TMCC1: variants seen among roughly 807,000 people sequenced by gnomAD.
TMCC1 encodes the protein transmembrane and coiled-coil domains protein 1.
TMCC1 carries 15 observed loss-of-function variants against 52.4 expected under a neutral mutation model. The ratio of observed to expected loss-of-function variants is 0.29; its 90% CI spans 0.19 to 0.44. TMCC1 has a LOEUF of 0.44. Ranked by LOEUF, TMCC1 falls within the 20% of genes least tolerant of loss-of-function variation. TMCC1 has a pLI of 1.00. For missense variants in TMCC1, 503 were observed against 806.0 expected, an observed-to-expected ratio of 0.62 and a Z score of 4.55; for synonymous variants, 279 against 301.9, an observed-to-expected ratio of 0.92 and a Z score of 0.79.
intron 4 of TMCC1, among the ~76,000 whole-genome samples, chr3:129,716,344 T>G (rs2049099190): frequency 7.0e-6 from 1 of 142,304 alleles, no homozygotes; most frequent in Admixed American, 7.1e-5. Flanking sequence ...TTTTTTTTTT[T>G]TTTTTTTTGA....
intron 1 of TMCC1, among the ~76,000 whole-genome samples, chr3:129,889,154 C>T (rs1247957934): frequency 1.3e-5 from 2 of 152,040 alleles, no homozygotes; most frequent in Non-Finnish European, 2.9e-5. Flanking sequence ...CATCTCTGGG[C>T]CCAGCTACTC....
At chr3:129,789,054 A>G (rs1165962220) in intron 4 of TMCC1, among the ~76,000 whole-genome samples, 1 of 152,224 alleles carries the variant, frequency 6.6e-6, no homozygotes, top group Admixed American at 6.5e-5. Flanking sequence ...AGAGTAACTT[A>G]GAGAAAATTA....
intron 4 of TMCC1, among the ~76,000 whole-genome samples, chr3:129,758,156 C>T (rs1470023544): frequency 6.6e-6 from 1 of 152,180 alleles, no homozygotes; most frequent in Non-Finnish European, 1.5e-5. Context: ...GATCCACAGT[C>T]CTGAAACTGC....
chr3:129,728,661 A>T (rs2107610248), intron 4 of TMCC1, among the ~76,000 whole-genome samples: 1 of 152,352 alleles, frequency 6.6e-6, no homozygotes, highest in Admixed American at 6.5e-5. Context: ...ATGAATTTTA[A>T]AACATGCATA....
At chr3:129,735,355 C>G (rs2050869265) in intron 4 of TMCC1, among the ~76,000 whole-genome samples, 1 of 151,920 alleles carries the variant, frequency 6.6e-6, no homozygotes, top group South Asian at 2.1e-4. Context: ...TTTAAGCAAG[C>G]TAAAAGGGGC....
chr3:129,856,156 TA>T (rs1486219233), intron 2 of TMCC1, among the ~76,000 whole-genome samples: 3 of 152,164 alleles, frequency 2.0e-5, no homozygotes, highest in African/African-American at 7.2e-5. Flanking sequence ...AATAAAGTTT[TA>T]AAAAAATATT....
At chr3:129,823,234 G>A (rs1296608932) in intron 4 of TMCC1, among the ~76,000 whole-genome samples, 2 of 152,092 alleles carry the variant, frequency 1.3e-5, no homozygotes, top group Non-Finnish European at 2.9e-5. Context: ...GCTGAGGCAG[G>A]AGAATCGCTT....
At chr3:129,817,894 C>T (rs1235966257) in intron 4 of TMCC1, among the ~76,000 whole-genome samples, 1 of 152,068 alleles carries the variant, frequency 6.6e-6, no homozygotes. Flanking sequence ...CTCACTGCAA[C>T]CTCTGCCTCC....
chr3:129,807,495 TGCTGAGTAC>T (rs1442975206), intron 4 of TMCC1, among the ~76,000 whole-genome samples: 2 of 152,222 alleles, frequency 1.3e-5, no homozygotes, highest in Non-Finnish European at 2.9e-5. Context: ...GTACTGAGTC[TGCTGAGTAC>T]TTCTGAGTCC....
intron 4 of TMCC1, among the ~76,000 whole-genome samples, chr3:129,817,044 A>G (rs1198509786): frequency 6.6e-6 from 1 of 151,970 alleles, no homozygotes; most frequent in African/African-American, 2.4e-5. Context: ...AAAAAGAAAA[A>G]GACAAGACAA....
chr3:129,749,126 C>T (rs2052269628), intron 4 of TMCC1, among the ~76,000 whole-genome samples: 2 of 150,278 alleles, frequency 1.3e-5, no homozygotes, highest in South Asian at 4.2e-4. Context: ...CACCCCCCAC[C>T]AAAAAAAATA....
At chr3:129,767,474 G>A (rs1576762856) in intron 4 of TMCC1, among the ~76,000 whole-genome samples, 1 of 152,138 alleles carries the variant, frequency 6.6e-6, no homozygotes, top group East Asian at 1.9e-4. Flanking sequence ...CAGGGTTCAA[G>A]CAAAGCTCTT....
intron 4 of TMCC1, among the ~76,000 whole-genome samples, chr3:129,703,023 CA>C: frequency 6.6e-6 from 1 of 152,084 alleles, no homozygotes; most frequent in African/African-American, 2.4e-5. Flanking sequence ...CTCAAAAAAA[CA>C]AAATAAAAGA....
intron 2 of TMCC1, chr3:129,847,754 T>C (rs935776109): frequency 6.6e-6 from 1 of 152,230 alleles, no homozygotes; most frequent in African/African-American, 2.4e-5. Flanking sequence ...TGCCCAATTG[T>C]CTTCCAAAGT....
intron 2 of TMCC1, among the ~76,000 whole-genome samples, chr3:129,841,561 C>A (rs2059423812): frequency 6.6e-6 from 1 of 152,098 alleles, no homozygotes; most frequent in Non-Finnish European, 1.5e-5. Context: ...CCAGCCTGGG[C>A]AACAGAGTGA....
intron 4 of TMCC1, among the ~76,000 whole-genome samples, chr3:129,801,440 C>T (rs910232791): frequency 2.6e-5 from 4 of 152,164 alleles, no homozygotes; most frequent in Admixed American, 1.3e-4. Flanking sequence ...TCTGCCAATA[C>T]ACGCCTGTTT....
intron 4 of TMCC1, among the ~76,000 whole-genome samples, chr3:129,821,972 G>C (rs2058445524): frequency 6.6e-6 from 1 of 152,094 alleles, no homozygotes; most frequent in African/African-American, 2.4e-5. Flanking sequence ...GCTAAGGTGG[G>C]TGGTCACTTG....
intron 1 of TMCC1, among the ~76,000 whole-genome samples, chr3:129,889,173 G>C (rs988131145): frequency 1.3e-5 from 2 of 152,086 alleles, no homozygotes; most frequent in South Asian, 4.1e-4. Flanking sequence ...TCCGGACATT[G>C]AGGTCAGAGG....
chr3:129,753,432 AATAC>A (rs1416322641), intron 4 of TMCC1, among the ~76,000 whole-genome samples: 2 of 152,258 alleles, frequency 1.3e-5, no homozygotes, highest in Non-Finnish European at 2.9e-5. Context: ...TTTAAAAAGC[AATAC>A]ATAAATGCAA....
Sources: gnomAD v4.1 joint callset for allele counts (sites outside exome capture counted in the v4.1 genomes callset) on GRCh38, gnomAD v4.1.1 for gene constraint, MANE v1.5 for transcripts, NCBI Gene and HGNC (gene_info 2026-07-23, HGNC 2026-07-21) for gene names.